The following RASAL2 variants were observed in gnomAD, a reference collection of about 807,000 sequenced individuals.
RASAL2 encodes the protein RAS protein activator like 2, also known as ras GTPase-activating protein nGAP.
A neutral mutation model predicts 128.9 loss-of-function variants in RASAL2; 58 were observed. The ratio of observed to expected loss-of-function variants is 0.45; its 90% CI spans 0.36 to 0.56. RASAL2 has a LOEUF of 0.56. RASAL2 is among the 20% of genes least tolerant of loss of function. RASAL2 has a pLI of 0.00. For synonymous variants in RASAL2, 561 were observed against 580.8 expected, an observed-to-expected ratio of 0.97 and a Z score of 0.49; for missense variants, 1,360 against 1,601.6, an observed-to-expected ratio of 0.85 and a Z score of 2.57.
intron 2 of RASAL2, among the ~76,000 whole-genome samples, chr1:178,293,289 C>T (rs1054234780): frequency 6.6e-6 from 1 of 152,096 alleles, no homozygotes; most frequent in East Asian, 1.9e-4. Flanking sequence ...TAAAAAGAAC[C>T]TTAGCCTAAC....
chr1:178,236,839 C>G (rs1664270323), intron 1 of RASAL2, among the ~76,000 whole-genome samples: 1 of 148,708 alleles, frequency 6.7e-6, no homozygotes, highest in Non-Finnish European at 1.5e-5. Flanking sequence ...TCTCGGCTCA[C>G]TGCAACCTCC....
At chr1:178,266,211 A>C (rs1054493095) in intron 1 of RASAL2, among the ~76,000 whole-genome samples, 1 of 152,034 alleles carries the variant, frequency 6.6e-6, no homozygotes, top group African/African-American at 2.4e-5. Flanking sequence ...TTATACTCTC[A>C]CCCTCAGATC....
intron 2 of RASAL2, among the ~76,000 whole-genome samples, chr1:178,286,464 G>A (rs531621007): frequency 2.0e-5 from 3 of 152,072 alleles, no homozygotes; most frequent in Admixed American, 6.5e-5. Context: ...AAGCTGGAGT[G>A]CAATGGTGCC....
Position 178,390,202 on chromosome 1 carries a change from T to G in RASAL2, c.560T>G (p.Val187Gly). ...MDTANTSPFKVPGFFSKRLKG... is the reference protein window; with the variant it reads ...MDTANTSPFKGPGFFSKRLKG... ...ACTGCAAATACCTCACCCTTCAAAG[T>G]ACCAGTAAGTGTTTATCTTCTTTAT... The change falls in exon 4 of 18, where the codon GTA (valine) becomes GGA (glycine). Residue 187 changes from valine to glycine, a missense_variant. By Grantham distance (109) the Val-to-Gly change is moderately radical. Transcript: ENST00000367649. 2 of 1,597,652 alleles carry G rather than the reference T, an allele frequency of 1.3e-6. No homozygotes were observed. Among genetic ancestry groups the G allele is most frequent in the Non-Finnish European group, 1.7e-6 (2 of 1,166,522 alleles).
chr1:178,390,152 A>G lies in RASAL2; in HGVS notation c.510A>G (p.Thr170=). ...GACGGAGTATCTCAGGGACCAGTAC[A>G]TCAGAGAAACCCAACTCCATGGACA... The part of the protein sequence containing the change: ...PRRRSISGTS[T]SEKPNSMDTA... The change falls in exon 4 of 18, where the codon ACA becomes ACG. Residue 170 remains threonine, a synonymous_variant. Transcript: ENST00000367649. The G allele has an allele frequency of 1.2e-6, 2 of 1,613,532 alleles. No individual in the cohort carries two copies. The highest frequency in any genetic ancestry group is 1.7e-6 in the Non-Finnish European group (2 of 1,179,668).
At chr1:178,329,807 C>T (rs1669203507) in intron 3 of RASAL2, among the ~76,000 whole-genome samples, 1 of 151,810 alleles carries the variant, frequency 6.6e-6, no homozygotes. Context: ...GATCACACCA[C>T]TGTGCTCCAG....
chr1:178,405,434 T>C (rs1287370735), intron 4 of RASAL2, among the ~76,000 whole-genome samples: 2 of 152,216 alleles, frequency 1.3e-5, no homozygotes, highest in Non-Finnish European at 2.9e-5. Flanking sequence ...GGGACTTTTG[T>C]AGATAGGATT....
intron 1 of RASAL2, among the ~76,000 whole-genome samples, chr1:178,121,757 A>G (rs1209975489): frequency 1.3e-5 from 2 of 152,078 alleles, no homozygotes; most frequent in Non-Finnish European, 2.9e-5. Flanking sequence ...AAGTGCTGGG[A>G]TTACAGGCAT....
intron 3 of RASAL2, among the ~76,000 whole-genome samples, chr1:178,309,150 TA>T (rs1041359975): frequency 1.4e-4 from 21 of 152,160 alleles, no homozygotes; most frequent in African/African-American, 4.6e-4. Context: ...TTAATACATA[TA>T]AAGATCAAAA....
rs116360665 is a variant in RASAL2 at position 178,121,282 on chromosome 1, G to A, written c.202+26588G>A. ...TTGTTCACTAGGGTATTAGAAACTC[G>A]TATTTATGTATTACTTTGATGTGCA... On this transcript the variant is annotated intron_variant, in intron 1 of 17. Coordinates refer to ENST00000367649, the MANE Select transcript of RASAL2 (RefSeq NM_170692.4). 5.3e-3 allele frequency among the ~76,000 whole-genome samples: 801 copies of A among 152,112 alleles called. 7 individuals are homozygous for A. The highest frequency in any genetic ancestry group is 6.3e-3 in the Non-Finnish European group (426 of 67,990).
intron 1 of RASAL2, among the ~76,000 whole-genome samples, chr1:178,113,581 C>T (rs1659421778): frequency 6.9e-6 from 1 of 144,396 alleles, no homozygotes; most frequent in Non-Finnish European, 1.5e-5. Flanking sequence ...CAGAGTCTTG[C>T]TGTATTGCCC....
chr1:178,457,970 C>A lies in RASAL2; in HGVS notation c.2678C>A (p.Thr893Asn). ...QVASIKQLRE[T>N]QSTPQSAPQV... The stretch of plus-strand genomic sequence containing the variant: ...GCCAGCATCAAACAGCTGCGGGAAA[C>A]CCAGAGCACTCCCCAAAGTGCACCC... The change falls in exon 14 of 18, where the codon ACC becomes AAC. Residue 893 changes from threonine (T) to asparagine (N), a missense_variant. Around this residue, in one of 3 missense-constraint regions of RASAL2, gnomAD observed 741 missense variants for 868.6 expected, o/e 0.85. Coordinates refer to ENST00000367649, the MANE Select transcript of RASAL2 (RefSeq NM_170692.4). 6.2e-7 allele frequency: 1 copy of A among 1,614,094 alleles called. No individual in the cohort carries two copies.
chr1:178,226,586 G>A (rs1372572053), intron 1 of RASAL2, among the ~76,000 whole-genome samples: 2 of 152,130 alleles, frequency 1.3e-5, no homozygotes, highest in African/African-American at 4.8e-5. Flanking sequence ...AAAAATTTAA[G>A]CATTATGTGA....
At chr1:178,257,488 T>C (rs1022391614) in intron 1 of RASAL2, among the ~76,000 whole-genome samples, 1 of 151,102 alleles carries the variant, frequency 6.6e-6, no homozygotes, top group African/African-American at 2.4e-5. Flanking sequence ...ATAAAACTAA[T>C]TGATTTTCGA....
chr1:178,242,606 ATTCTT>A (rs1664566591), intron 1 of RASAL2, among the ~76,000 whole-genome samples: 1 of 151,988 alleles, frequency 6.6e-6, no homozygotes, highest in African/African-American at 2.4e-5. Flanking sequence ...GCCCACTTAC[ATTCTT>A]GAATCTGTAG....
chr1:178,425,289 G>T (rs1231484105), intron 5 of RASAL2, among the ~76,000 whole-genome samples: 1 of 152,140 alleles, frequency 6.6e-6, no homozygotes, highest in Non-Finnish European at 1.5e-5. Context: ...AAGGGGCAAG[G>T]TAGGAAATAA....
intron 1 of RASAL2, among the ~76,000 whole-genome samples, chr1:178,201,132 A>G (rs1196025537): frequency 6.6e-6 from 1 of 152,210 alleles, no homozygotes; most frequent in Non-Finnish European, 1.5e-5. Flanking sequence ...GAGAACAGGC[A>G]TGGGAATGGA....
chr1:178,405,255 T>C lies in RASAL2; in HGVS notation c.564+15049T>C, dbSNP rs2102677055. ...AAACACATATGCACAAAGTTATTTA[T>C]GCAGCATTGTTTTTTAATTGCAAAA... On this transcript the variant is annotated intron_variant, in intron 4 of 17. Coordinates refer to ENST00000367649, the MANE Select transcript of RASAL2 (RefSeq NM_170692.4). Among the ~76,000 whole-genome samples, 3 of 152,358 alleles carry C rather than the reference T, an allele frequency of 2.0e-5. No homozygotes were observed. The Middle Eastern group carries it at 0.01, about 518-fold the overall frequency.
At chr1:178,311,776 G>C (rs1668264402) in intron 3 of RASAL2, among the ~76,000 whole-genome samples, 1 of 151,864 alleles carries the variant, frequency 6.6e-6, no homozygotes, top group African/African-American at 2.4e-5. Flanking sequence ...CCCAAGATTA[G>C]TGGACATCTG....
Sources: gnomAD v4.1 joint callset for allele counts (sites outside exome capture counted in the v4.1 genomes callset) on GRCh38, gnomAD v4.1.1 for gene constraint, gnomAD v4.1.1 regional missense constraint, MANE v1.5 for transcripts, NCBI Gene and HGNC (gene_info 2026-07-23, HGNC 2026-07-21) for gene names.